Variants in POMT1 observed in about 807,000 individuals in gnomAD.
POMT1 encodes the protein protein O-mannosyltransferase 1.
A neutral mutation model predicts 101.6 loss-of-function variants in POMT1; 85 were observed. That is an observed-to-expected ratio of 0.84 (90% CI 0.70 to 1.00). The LOEUF is 1.00. Among genes scored for constraint, POMT1 ranks in the 50% least tolerant of loss-of-function variants. The pLI is 0.00. For synonymous variants in POMT1, 371 were observed against 383.0 expected (o/e 0.97, Z 0.37); for missense variants, 857 against 930.4 (o/e 0.92, Z 1.03).
rs201587241 is a variant in POMT1 at position 131,513,322 on chromosome 9, C to T, written c.1166C>T (p.Ser389Phe). The T allele has an allele frequency of 1.2e-5, 20 of 1,611,848 alleles. No homozygotes were observed. The East Asian group carries it at 4.5e-4, about 36-fold the overall frequency. Residue 389 changes from serine (S) to phenylalanine (F), a missense_variant, in exon 12 of 20, where the codon TCC (serine) becomes TTC (phenylalanine). By Grantham distance (155) the Ser-to-Phe change is radical. Transcript: ENST00000402686. The stretch of plus-strand genomic sequence containing the variant: ...CTGGTCCACGGCATGACCACCCGCT[C>T]CCTGAACACGTGAGTGTGCCCGCCG... ...VQLVHGMTTR[S>F]LNTHDVAAPL...
intron 5 of POMT1, among the ~76,000 whole-genome samples, chr9:131,508,468 T>C (rs940854258): frequency 6.6e-6 from 1 of 151,594 alleles, no homozygotes; most frequent in Non-Finnish European, 1.5e-5. Context: ...GAGGCGGAGG[T>C]TGCAGTGAGC....
intron 12 of POMT1, among the ~76,000 whole-genome samples, chr9:131,515,066 C>T (rs1296229021): frequency 6.6e-6 from 1 of 152,250 alleles, no homozygotes; most frequent in East Asian, 1.9e-4. Flanking sequence ...CAGCTCAGCC[C>T]TGCAAGTTGT....
intron 12 of POMT1, among the ~76,000 whole-genome samples, chr9:131,514,196 C>T (rs372036284): frequency 1.4e-3 from 207 of 152,314 alleles, no homozygotes; most frequent in African/African-American, 4.7e-3. Context: ...GACCTCTCTA[C>T]CTCGCAGCAG....
chr9:131,516,083 AG>A (rs1264789777), intron 13 of POMT1, among the ~76,000 whole-genome samples: 150 of 123,714 alleles, frequency 1.2e-3, no homozygotes, highest in African/African-American at 2.6e-3. Flanking sequence ...CCTCACACGG[AG>A]CACTTCCTCA....
At chr9:131,508,698 CAA>C (rs1946405165) in intron 5 of POMT1, among the ~76,000 whole-genome samples, 1 of 152,070 alleles carries the variant, frequency 6.6e-6, no homozygotes, top group Non-Finnish European at 1.5e-5. Context: ...GACCCTGACT[CAA>C]AGAAAAGAAA....
rs1374589627 is a variant in POMT1, at chr9:131,510,069, G to C, written c.699+73G>C. ...GATGCAGATGTCACAGGGGGTACTT[G>C]GTGAAAAGACTCCAATCCTCAATGT... On this transcript the variant is annotated intron_variant, in intron 8 of 19. Transcript: ENST00000402686. The C allele has an allele frequency of 6.2e-7, 1 of 1,614,104 alleles. No individual in the cohort carries two copies.
chr9:131,523,031 C>T lies in POMT1; in HGVS notation c.2103C>T (p.Asp701=). ...SNTLRPLTYG[D]KSLSPHELKA... is the part of the protein sequence containing the mutation. ...CGCTGCGCCCACTCACCTACGGGGA[C>T]AAGTCACTCTCGCCACATGAACTCA... Residue 701 remains aspartate (D), a synonymous_variant, in exon 20 of 20, where the codon GAC becomes GAT. Coordinates refer to ENST00000402686, the MANE Select transcript of POMT1 (RefSeq NM_001077365.2). 6.2e-7 allele frequency: 1 copy of T among 1,611,076 alleles called. No homozygotes were observed. The highest frequency in any genetic ancestry group is 8.5e-7 in the Non-Finnish European group (1 of 1,179,806).
At chr9:131,505,003 C>G (rs1945465744) in intron 2 of POMT1, among the ~76,000 whole-genome samples, 1 of 152,086 alleles carries the variant, frequency 6.6e-6, no homozygotes, top group Non-Finnish European at 1.5e-5. Context: ...GTATTGAACT[C>G]CTGACCTCAT....
intron 2 of POMT1, 56 bp downstream of exon 2, chr9:131,504,396 A>T: frequency 6.2e-7 from 1 of 1,613,518 alleles, no homozygotes; most frequent in Non-Finnish European, 8.5e-7. Context: ...TTGTGACAGG[A>T]GGCGCCCTTA....
intron 6 of POMT1, 136 bp downstream of exon 6, chr9:131,509,158 A>G (rs1946531315): frequency 1.4e-6 from 1 of 707,860 alleles, no homozygotes; most frequent in Admixed American, 2.3e-5. Flanking sequence ...TTGCTTGCTA[A>G]ATATCTTTTT....
At chr9:131,515,025 C>T (rs749077940) in intron 12 of POMT1, among the ~76,000 whole-genome samples, 4 of 152,364 alleles carry the variant, frequency 2.6e-5, no homozygotes, top group Admixed American at 6.5e-5. Flanking sequence ...TTATCTGCTG[C>T]GTCCCCAGGC....
chr9:131,506,795 G>A (rs984623192), intron 4 of POMT1: 3 of 369,286 alleles, frequency 8.1e-6, no homozygotes, highest in African/African-American at 2.1e-5. Context: ...TAGGCCGGGC[G>A]CGCTGGCTCA....
chr9:131,504,411 A>G (rs886744242), intron 2 of POMT1, 71 bp downstream of exon 2: 4 of 1,609,330 alleles, frequency 2.5e-6, no homozygotes, highest in Admixed American at 1.7e-5. Context: ...CCCTTACTGA[A>G]TAGCATAAAT....
At chr9:131,518,178 C>T (rs1949126876) in intron 13 of POMT1, 3 of 516,700 alleles carry the variant, frequency 5.8e-6, no homozygotes, top group Non-Finnish European at 7.4e-6. Flanking sequence ...CGAAGAACAT[C>T]AGGCTTTGTA....
At chr9:131,521,212 G>T in intron 17 of POMT1, 134 bp from the exon 18 acceptor site, 2 of 1,234,804 alleles carry the variant, frequency 1.6e-6, no homozygotes, top group East Asian at 4.8e-5. Flanking sequence ...AGGCCTAGTG[G>T]ATGCTAGGCT....
rs80109875 is a variant in POMT1, at chr9:131,515,807, C to G, written c.1272+285C>G. ...CTGTAACACAGGACACTTCCTCACA[C>G]GGAGCACTTCCTCTAACACAGGACA... is the stretch of plus-strand genomic sequence containing the variant. On this transcript the variant is annotated intron_variant, in intron 13 of 19. Coordinates refer to ENST00000402686, the MANE Select transcript of POMT1 (RefSeq NM_001077365.2). Among the ~76,000 whole-genome samples the G allele has an allele frequency of 4.5e-3, 548 of 120,530 alleles. 217 individuals are homozygous for G. The highest frequency in any genetic ancestry group is 6.4e-3 in the Non-Finnish European group (356 of 55,436). 79.1% of individuals were successfully genotyped at this position (120,530 alleles called of 152,430 possible).
chr9:131,510,107 C>T, intron 8 of POMT1, 111 bp downstream of exon 8: 1 of 1,613,356 alleles, frequency 6.2e-7, no homozygotes, highest in Non-Finnish European at 8.5e-7. Context: ...TAGAAGCAGG[C>T]AGGCCTGGGC....
intron 5 of POMT1, among the ~76,000 whole-genome samples, chr9:131,507,993 A>G (rs10793879): frequency 0.89 from 135,026 of 152,128 alleles, 60,609 homozygotes; most frequent in South Asian, 0.97. Flanking sequence ...AGCACTTTGG[A>G]AGGCTGAGGC....
intron 12 of POMT1, among the ~76,000 whole-genome samples, chr9:131,513,611 A>G (rs967218137): frequency 9.2e-5 from 14 of 152,354 alleles, no homozygotes; most frequent in Admixed American, 3.9e-4. Context: ...ATGAGTGTAC[A>G]AGGACAGGCT....
Sources: gnomAD v4.1 joint callset for allele counts (sites outside exome capture counted in the v4.1 genomes callset) on GRCh38, gnomAD v4.1.1 for gene constraint, MANE v1.5 for transcripts, NCBI Gene and HGNC (gene_info 2026-07-23, HGNC 2026-07-21) for gene names.